The following ZCWPW2 variants were observed in gnomAD, a reference collection of about 807,000 sequenced individuals.
ZCWPW2 encodes the protein zinc finger CW-type PWWP domain protein 2.
ZCWPW2 carries 45 observed loss-of-function variants against 46.6 expected under a neutral mutation model. That is an observed-to-expected ratio of 0.96 (90% confidence interval 0.76 to 1.24). The LOEUF (loss-of-function observed/expected upper bound fraction) is 1.24. Ranked by LOEUF, ZCWPW2 falls within the 50% of genes most tolerant of loss-of-function variation. The pLI is 0.00. For missense variants in ZCWPW2, 429 were observed against 403.9 expected, an observed-to-expected ratio of 1.06 and a Z score of -0.53; for synonymous variants, 152 against 137.1, an observed-to-expected ratio of 1.11 and a Z score of -0.76.
At chr3:28,411,556 A>C (rs1020762163) in intron 2 of ZCWPW2, among the ~76,000 whole-genome samples, 2 of 152,086 alleles carry the variant, frequency 1.3e-5, no homozygotes, top group Admixed American at 6.6e-5. Context: ...ATTGGAACTA[A>C]ACAAGCAAAA....
chr3:28,360,373 A>AAAAG (rs1704894299), intron 1 of ZCWPW2, among the ~76,000 whole-genome samples: 1 of 138,986 alleles, frequency 7.2e-6, no homozygotes, highest in Non-Finnish European at 1.6e-5. Flanking sequence ...AAAAAAAAAA[A>AAAAG]ATAGCCAGGC....
chr3:28,375,787 CCCGTCTACTGTTCCTA>C (rs1397423020), intron 1 of ZCWPW2, among the ~76,000 whole-genome samples: 1 of 151,672 alleles, frequency 6.6e-6, no homozygotes, highest in Admixed American at 6.6e-5. Context: ...CCTACCATCC[CCCGTCTACTGTTCCTA>C]ACTTCTGGCA....
chr3:28,457,546 C>A (rs1031043862), intron 4 of ZCWPW2, among the ~76,000 whole-genome samples: 6 of 152,176 alleles, frequency 3.9e-5, no homozygotes, highest in African/African-American at 1.4e-4. Context: ...CTGATTTAAA[C>A]CTGTACACTT....
At chr3:28,373,190 T>C (rs1705394328) in intron 1 of ZCWPW2, among the ~76,000 whole-genome samples, 1 of 152,226 alleles carries the variant, frequency 6.6e-6, no homozygotes, top group Non-Finnish European at 1.5e-5. Flanking sequence ...GTGGGATTAC[T>C]GGATCATATG....
chr3:28,395,241 T>C (rs1435477931), intron 2 of ZCWPW2, among the ~76,000 whole-genome samples: 4 of 152,038 alleles, frequency 2.6e-5, no homozygotes, highest in African/African-American at 9.7e-5. Flanking sequence ...GGGTGGCTAT[T>C]ATCAAAAAAA....
intron 4 of ZCWPW2, among the ~76,000 whole-genome samples, chr3:28,460,505 CT>C (rs1698589800): frequency 6.6e-6 from 1 of 152,012 alleles, no homozygotes; most frequent in African/African-American, 2.4e-5. Flanking sequence ...TTGTATGAAC[CT>C]ATGTTAAAGT....
chr3:28,449,471 T>C (rs780854453), intron 4 of ZCWPW2, among the ~76,000 whole-genome samples: 1 of 152,158 alleles, frequency 6.6e-6, no homozygotes, highest in African/African-American at 2.4e-5. Flanking sequence ...GTATTTAGAA[T>C]AGTCAAAATT....
chr3:28,434,429 C>T (rs1416004796), intron 3 of ZCWPW2, among the ~76,000 whole-genome samples: 1 of 152,110 alleles, frequency 6.6e-6, no homozygotes, highest in African/African-American at 2.4e-5. Flanking sequence ...TGAAACATAT[C>T]AATAAATTTG....
intron 1 of ZCWPW2, among the ~76,000 whole-genome samples, chr3:28,378,041 AAAG>A (rs1705558433): frequency 6.6e-6 from 1 of 152,066 alleles, no homozygotes; most frequent in African/African-American, 2.4e-5. Flanking sequence ...TATTATTACA[AAAG>A]AAGATCTTTA....
intron 2 of ZCWPW2, among the ~76,000 whole-genome samples, chr3:28,392,793 G>A (rs1408082752): frequency 2.0e-5 from 3 of 151,710 alleles, no homozygotes; most frequent in Non-Finnish European, 1.5e-5. Flanking sequence ...AAAACTGATG[G>A]GCTGATACAA....
At chr3:28,488,859 A>C (rs2125813882) in intron 5 of ZCWPW2, among the ~76,000 whole-genome samples, 1 of 152,324 alleles carries the variant, frequency 6.6e-6, no homozygotes, top group African/African-American at 2.4e-5. Flanking sequence ...TTCTCACAAG[A>C]GAAAATTTAG....
intron 4 of ZCWPW2, among the ~76,000 whole-genome samples, chr3:28,439,048 G>GGTGTGT (rs202097455): frequency 6.9e-6 from 1 of 144,140 alleles, no homozygotes; most frequent in Admixed American, 6.9e-5. Context: ...ATATATCTAT[G>GGTGTGT]GTGTGTGTGT....
At chr3:28,407,256 T>C (rs1696200620) in intron 2 of ZCWPW2, among the ~76,000 whole-genome samples, 1 of 152,196 alleles carries the variant, frequency 6.6e-6, no homozygotes, top group African/African-American at 2.4e-5. Context: ...GAAAATTATT[T>C]TCTCATTTGT....
chr3:28,526,202 G>T lies in ZCWPW2; in HGVS notation c.*1514G>T, dbSNP rs1009123978. ...GTTTACTCTTTGCAAAGAGAACCAA[G>T]TATGTGTTTAAATATATTGCAATTA... On this transcript the variant is annotated 3_prime_UTR_variant, in exon 10 of 10. Coordinates refer to ENST00000383768, the MANE Select transcript of ZCWPW2 (RefSeq NM_001040432.4). Among the ~76,000 whole-genome samples, 1 of 152,146 alleles carries T rather than the reference G, an allele frequency of 6.6e-6. No individual in the cohort carries two copies. Among genetic ancestry groups the T allele is most frequent in the Non-Finnish European group, 1.5e-5 (1 of 68,024 alleles).
intron 1 of ZCWPW2, among the ~76,000 whole-genome samples, chr3:28,380,934 GTATATATATATATATATA>G (rs578178124): frequency 6.0e-4 from 8 of 13,434 alleles, no homozygotes; most frequent in African/African-American, 1.9e-3. Flanking sequence ...TATATATTTG[GTATATATATATATATATA>G]TATATATATA....
chr3:28,475,007 TA>T (rs1471813672), intron 4 of ZCWPW2, among the ~76,000 whole-genome samples: 2 of 137,740 alleles, frequency 1.5e-5, no homozygotes, highest in African/African-American at 2.5e-5. Context: ...TTTTTATTAT[TA>T]TTTTTTTTAT....
intron 1 of ZCWPW2, among the ~76,000 whole-genome samples, chr3:28,376,742 CATTTT>C (rs1179873360): frequency 6.6e-6 from 1 of 152,050 alleles, no homozygotes; most frequent in African/African-American, 2.4e-5. Context: ...TGTACTCCAC[CATTTT>C]GGTGATGTAA....
intron 4 of ZCWPW2, among the ~76,000 whole-genome samples, chr3:28,472,843 C>T (rs1472542937): frequency 6.6e-6 from 1 of 151,600 alleles, no homozygotes; most frequent in Non-Finnish European, 1.5e-5. Context: ...GGACTAATAA[C>T]CAGAATATAT....
At chr3:28,458,922 A>T (rs1698523638) in intron 4 of ZCWPW2, among the ~76,000 whole-genome samples, 2 of 152,140 alleles carry the variant, frequency 1.3e-5, no homozygotes. Context: ...TTCCCTTTTA[A>T]CATAGCAGTA....
Sources: gnomAD v4.1 joint callset for allele counts (sites outside exome capture counted in the v4.1 genomes callset) on GRCh38, gnomAD v4.1.1 for gene constraint, MANE v1.5 for transcripts, NCBI Gene and HGNC (gene_info 2026-07-23, HGNC 2026-07-21) for gene names.